The following CADM2 variants were observed in gnomAD, a reference collection of about 807,000 sequenced individuals.
The protein encoded by CADM2 is immunoglobulin superfamily member 4D.
A neutral mutation model predicts 49.8 loss-of-function variants in CADM2; 12 were observed. The ratio of observed to expected loss-of-function variants is 0.24; its 90% CI spans 0.15 to 0.39. The LOEUF is 0.39. Among genes scored for constraint, CADM2 ranks in the 10% least tolerant of loss-of-function variants. The pLI, the probability that CADM2 is intolerant of heterozygous loss-of-function variation, is 1.00. For missense variants in CADM2, 378 were observed against 492.3 expected (o/e 0.77, Z 2.20); for synonymous variants, 214 against 175.4 (o/e 1.22, Z -1.74).
intron 7 of CADM2, among the ~76,000 whole-genome samples, chr3:85,959,379 G>T (rs191096764): frequency 1.3e-5 from 2 of 151,932 alleles, no homozygotes; most frequent in Admixed American, 1.3e-4. Flanking sequence ...TTATATCAGT[G>T]ACCATTGATG....
At chr3:85,181,019 A>G (rs552192809) in intron 1 of CADM2, among the ~76,000 whole-genome samples, 1 of 152,290 alleles carries the variant, frequency 6.6e-6, no homozygotes, top group South Asian at 2.1e-4. Flanking sequence ...TCTCTGAGAA[A>G]GTTATAAGTA....
chr3:85,996,069 G>C (rs1412336547), intron 8 of CADM2, among the ~76,000 whole-genome samples: 1 of 148,900 alleles, frequency 6.7e-6, no homozygotes, highest in South Asian at 2.1e-4. Context: ...CAGCCTGGGC[G>C]ACAGAGCAAG....
intron 1 of CADM2, among the ~76,000 whole-genome samples, chr3:85,157,009 A>G (rs1345759245): frequency 6.6e-6 from 1 of 152,156 alleles, no homozygotes; most frequent in Non-Finnish European, 1.5e-5. Flanking sequence ...TACAAAATCA[A>G]TGTGCAAAAA....
At chr3:85,616,483 T>C (rs2063803075) in intron 1 of CADM2, among the ~76,000 whole-genome samples, 1 of 152,136 alleles carries the variant, frequency 6.6e-6, no homozygotes, top group Non-Finnish European at 1.5e-5. Context: ...TTTGATGATT[T>C]AGAGTATTTT....
intron 1 of CADM2, among the ~76,000 whole-genome samples, chr3:85,189,098 A>G (rs2041140819): frequency 6.8e-6 from 1 of 148,042 alleles, no homozygotes; most frequent in Admixed American, 7.0e-5. Context: ...AATAGCGAGC[A>G]AATAGACGAA....
intron 1 of CADM2, among the ~76,000 whole-genome samples, chr3:85,274,693 A>T (rs1236602617): frequency 6.6e-6 from 1 of 151,540 alleles, no homozygotes; most frequent in Non-Finnish European, 1.5e-5. Flanking sequence ...TTCAATAAAT[A>T]GTTACAGAAA....
chr3:85,420,465 G>T (rs2036118495), intron 1 of CADM2, among the ~76,000 whole-genome samples: 1 of 152,164 alleles, frequency 6.6e-6, no homozygotes, highest in South Asian at 2.1e-4. Flanking sequence ...AAGTGATGAT[G>T]AAATTTGTAG....
intron 1 of CADM2, among the ~76,000 whole-genome samples, chr3:85,176,611 G>T (rs1055650133): frequency 1.1e-4 from 16 of 152,062 alleles, no homozygotes; most frequent in African/African-American, 3.6e-4. Context: ...CTAAATGATG[G>T]ATCAAGTGTA....
chr3:85,280,455 T>G (rs2043472762), intron 1 of CADM2, among the ~76,000 whole-genome samples: 1 of 151,690 alleles, frequency 6.6e-6, no homozygotes, highest in Non-Finnish European at 1.5e-5. Flanking sequence ...ATTCAAGTTG[T>G]TTTTCGCTTG....
intron 1 of CADM2, among the ~76,000 whole-genome samples, chr3:85,583,118 T>A: frequency 6.6e-6 from 1 of 152,152 alleles, no homozygotes; most frequent in Non-Finnish European, 1.5e-5. Flanking sequence ...AATAGATTCC[T>A]GAACTTCATG....
chr3:85,107,666 T>C (rs1231081318), intron 1 of CADM2, among the ~76,000 whole-genome samples: 1 of 149,776 alleles, frequency 6.7e-6, no homozygotes, highest in Non-Finnish European at 1.5e-5. Flanking sequence ...TTTTTTTCCT[T>C]CCTTCCTTCC....
At position 85,858,978 on chromosome 3, in the gene CADM2, T is replaced by C. The variant is rs190826448; in HGVS notation, c.239-24313T>C. ...CTTAACTCAGTGTGAGCTATAATTT[T>C]TAATACCTTCAAACAAGAGAAGATA... On this transcript the variant is annotated intron_variant, in intron 3 of 9. Transcript: ENST00000383699. 2.3e-3 allele frequency among the ~76,000 whole-genome samples: 344 copies of C among 152,310 alleles called. 1 individual carries two copies. The highest frequency in any genetic ancestry group is 4.0e-3 in the Non-Finnish European group (273 of 68,024).
chr3:85,673,578 C>T (rs1427048380), intron 1 of CADM2, among the ~76,000 whole-genome samples: 1 of 150,816 alleles, frequency 6.6e-6, no homozygotes, highest in Non-Finnish European at 1.5e-5. Context: ...TCTGACAGAA[C>T]TATTGAATGG....
intron 3 of CADM2, among the ~76,000 whole-genome samples, chr3:85,866,061 C>A (rs1358500480): frequency 6.6e-6 from 1 of 152,026 alleles, no homozygotes; most frequent in Non-Finnish European, 1.5e-5. Context: ...ACACTTGAAC[C>A]CAGGAGACAG....
intron 6 of CADM2, among the ~76,000 whole-genome samples, chr3:85,916,487 C>A (rs990314672): frequency 7.2e-5 from 11 of 152,052 alleles, no homozygotes; most frequent in African/African-American, 2.7e-4. Flanking sequence ...CATGTCCCTA[C>A]AAAGGACATG....
At chr3:85,595,062 C>T (rs1419569192) in intron 1 of CADM2, among the ~76,000 whole-genome samples, 2 of 151,972 alleles carry the variant, frequency 1.3e-5, no homozygotes, top group Non-Finnish European at 2.9e-5. Flanking sequence ...TTAACAAGTA[C>T]TTCTCCCAAG....
At chr3:85,973,600 T>C (rs74336818) in intron 8 of CADM2, among the ~76,000 whole-genome samples, 1 of 151,914 alleles carries the variant, frequency 6.6e-6, no homozygotes, top group East Asian at 2.0e-4. Context: ...ATAATCAGTG[T>C]ACTGCATACT....
At chr3:85,783,378 C>T (rs919159464) in intron 2 of CADM2, among the ~76,000 whole-genome samples, 3 of 152,228 alleles carry the variant, frequency 2.0e-5, no homozygotes, top group African/African-American at 7.2e-5. Context: ...ACCAACACTT[C>T]TGCTTCTTAT....
At chr3:85,036,971 G>T (rs1408226330) in intron 1 of CADM2, among the ~76,000 whole-genome samples, 1 of 144,584 alleles carries the variant, frequency 6.9e-6, no homozygotes. Flanking sequence ...GACCAACATG[G>T]TGAAACCCCG....
Sources: allele counts gnomAD v4.1 joint callset (sites outside exome capture counted in the v4.1 genomes callset), GRCh38; gene constraint gnomAD v4.1.1; transcripts MANE v1.5; gene names NCBI Gene and HGNC (gene_info 2026-07-23, HGNC 2026-07-21).